The following RTEL1 variants were observed in gnomAD, a reference collection of about 807,000 sequenced individuals.
RTEL1 encodes the protein regulator of telomere length.
A neutral mutation model predicts 162.2 loss-of-function variants in RTEL1; 86 were observed. That is an observed-to-expected ratio of 0.53 (90% confidence interval 0.45 to 0.63). The LOEUF (loss-of-function observed/expected upper bound fraction) is 0.63, where lower values mean the gene tolerates loss of function less well. RTEL1 is among the 30% of genes least tolerant of loss of function. The pLI, the probability that RTEL1 is intolerant of heterozygous loss-of-function variation, is 0.00. For missense variants in RTEL1, 1,941 were observed against 1,750.2 expected, an observed-to-expected ratio of 1.11 and a Z score of -1.95; for synonymous variants, 958 against 717.9, an observed-to-expected ratio of 1.33 and a Z score of -5.35.
chr20:63,693,316 CCTG>C, intron 30 of RTEL1, 33 bp downstream of exon 30: 1 of 1,609,534 alleles, frequency 6.2e-7, no homozygotes, highest in Non-Finnish European at 8.5e-7. Context: ...CCCTCAGACT[CCTG>C]CGTGGAAGGC....
intron 26 of RTEL1, 52 bp downstream of exon 26, chr20:63,690,493 C>CGGGGGGGGGG: frequency 1.9e-6 from 1 of 531,874 alleles, no homozygotes; most frequent in Non-Finnish European, 3.2e-6. Flanking sequence ...GAGCGGGCGG[C>CGGGGGGGGGG]GTGGGGCGGG....
At chr20:63,659,607 C>G (rs920618786) in intron 2 of RTEL1, 103 bp downstream of exon 2, 46 of 842,984 alleles carry the variant, frequency 5.5e-5, no homozygotes, top group Non-Finnish European at 8.8e-5. Context: ...CCCCTCCGGG[C>G]CAGAGGCAGC....
intron 14 of RTEL1, chr20:63,681,651 C>G (rs551505928): frequency 2.0e-6 from 2 of 985,372 alleles, no homozygotes; most frequent in Admixed American, 1.2e-4. Context: ...GCAGGCACTG[C>G]CTTCTCCTTC....
chr20:63,679,506 C>T (rs1222452305), intron 12 of RTEL1, among the ~76,000 whole-genome samples: 1 of 152,138 alleles, frequency 6.6e-6, no homozygotes, highest in Non-Finnish European at 1.5e-5. Context: ...GCGGCCCCTG[C>T]TCTGAGGCGG....
At chr20:63,676,807 T>C (rs6011024) in intron 10 of RTEL1, among the ~76,000 whole-genome samples, 16,121 of 151,684 alleles carry the variant, frequency 0.11, 1,171 homozygotes, top group African/African-American at 0.2. Context: ...TGGTGGTGCA[T>C]GCTTGTAATC....
At chr20:63,665,918 G>A (rs965000459) in intron 6 of RTEL1, 86 bp from the exon 7 acceptor site, 2 of 1,270,180 alleles carry the variant, frequency 1.6e-6, no homozygotes, top group Non-Finnish European at 2.2e-6. Context: ...CGCCGTGTAG[G>A]AGCCGTTCTG....
chr20:63,689,223 T>TGCCCGGTCCCCTCCTTGGGTCC, intron 22 of RTEL1, 91 bp downstream of exon 22: 2 of 1,275,554 alleles, frequency 1.6e-6, no homozygotes, highest in Non-Finnish European at 2.2e-6. Flanking sequence ...CCCTGGGGGC[T>TGCCCGGTCCCCTCCTTGGGTCC]GCCCGGTCCC....
At position 63,678,039 on chromosome 20, in the gene RTEL1, T is replaced by C. The variant is rs114703330; in HGVS notation, c.920-106T>C. 0.087 allele frequency: 113,563 copies of C among 1,303,070 alleles called. 6,625 individuals are homozygous for C. Among genetic ancestry groups the C allele is most frequent in the South Asian group, 0.23 (19,049 of 81,474 alleles). 80.7% of individuals were successfully genotyped at this position (1,303,070 alleles called of 1,614,324 possible). A position where few individuals can be genotyped will look rare whatever the true frequency, so the allele number is the denominator to read the frequency against. Reference sequence around the variant, plus strand: ...ATGGATTCTGTGTGGCCTCTTCCTTTCCATGTTGGTGTCCTTTTTTCCATG... The same window carrying C: ...ATGGATTCTGTGTGGCCTCTTCCTTCCCATGTTGGTGTCCTTTTTTCCATG... On this transcript the variant is annotated intron_variant, in intron 10 of 34. Coordinates refer to ENST00000360203, the MANE Select transcript of RTEL1 (RefSeq NM_001283009.2).
chr20:63,689,450 C>A, intron 22 of RTEL1, 52 bp from the exon 23 acceptor site: 1 of 1,474,910 alleles, frequency 6.8e-7, no homozygotes, highest in Non-Finnish European at 9.0e-7. Flanking sequence ...GGTGTGGGCA[C>A]CAGGGAGAGG....
chr20:63,693,350 G>A (rs964230548), intron 30 of RTEL1, 67 bp downstream of exon 30: 73 of 1,587,480 alleles, frequency 4.6e-5, no homozygotes, highest in Non-Finnish European at 1.5e-5. Context: ...AGAGTCCTGG[G>A]CTGCTTGGGG....
chr20:63,674,076 C>T lies in RTEL1; in HGVS notation c.902C>T (p.Ala301Val), dbSNP rs373849709. Reference sequence around the variant, plus strand: ...GGTGAGCCCCACCCGGAGTTCAGCGCGGACTCCCCCAGCCCAGGTGCGTTC... The same window carrying T: ...GGTGAGCCCCACCCGGAGTTCAGCGTGGACTCCCCCAGCCCAGGTGCGTTC... ...QQGEPHPEFSADSPSPGLNME... is the reference protein window; with the variant it reads ...QQGEPHPEFSVDSPSPGLNME... The change falls in exon 10 of 35, where the codon GCG (alanine) becomes GTG (valine). Residue 301 changes from alanine (A) to valine (V), a missense_variant. Ala to Val is a moderately conservative substitution (Grantham distance 64). Transcript: ENST00000360203. 97 of 1,611,474 alleles carry T rather than the reference C, an allele frequency of 6.0e-5. No individual in the cohort carries two copies. Among genetic ancestry groups the T allele is most frequent in the Middle Eastern group, 1.7e-4 (1 of 5,906 alleles).
intron 9 of RTEL1, among the ~76,000 whole-genome samples, chr20:63,673,341 C>T (rs1490966048): frequency 6.6e-6 from 1 of 152,062 alleles, no homozygotes; most frequent in Non-Finnish European, 1.5e-5. Context: ...TTGCAATGAG[C>T]CAAGATCACA....
Position 63,695,437 on chromosome 20 carries a change from C to T in RTEL1, c.3609C>T (p.Ser1203=), listed in dbSNP as rs2090954645. Residue 1203 remains serine (S), a synonymous_variant, in exon 34 of 35, where the codon AGC becomes AGT. Transcript: ENST00000360203. The stretch of plus-strand genomic sequence containing the variant: ...CGGGCGGTGAGGATGCAGGTCCCAG[C>T]CAGTCCTCAGGACCTCCCCACGGGC... ...VGAGGEDAGP[S]QSSGPPHGPA... The T allele has an allele frequency of 1.3e-6, 2 of 1,574,504 alleles. No homozygotes were observed. The highest frequency in any genetic ancestry group is 1.3e-5 in the African/African-American group (1 of 74,420).
Position 63,668,683 on chromosome 20 carries a change from G to A in RTEL1, c.699+1130G>A, listed in dbSNP as rs1472202099. 6.6e-6 allele frequency among the ~76,000 whole-genome samples: 1 copy of A among 152,136 alleles called. No individual in the cohort carries two copies. Among genetic ancestry groups the A allele is most frequent in the Non-Finnish European group, 1.5e-5 (1 of 68,016 alleles). On this transcript the variant is annotated intron_variant, in intron 8 of 34. Transcript: ENST00000360203. This position sits in a 1 kb window ranked among gnomAD's most constrained non-coding sequence, Gnocchi z 4.3. Reference sequence around the variant, plus strand: ...CTGGTGAGGTTTGCCGTGGTTGTGGGTGACTCGGTGCTTTGAGCCCTGGCT... The same window carrying A: ...CTGGTGAGGTTTGCCGTGGTTGTGGATGACTCGGTGCTTTGAGCCCTGGCT...
At chr20:63,676,585 C>A (rs79981941) in intron 10 of RTEL1, among the ~76,000 whole-genome samples, 15,686 of 152,206 alleles carry the variant, frequency 0.1, 976 homozygotes, top group South Asian at 0.25. Context: ...CTTAGGACCA[C>A]GCCCTGCACC....
Position 63,679,868 on chromosome 20 carries a change from G to T in RTEL1, c.1057G>T (p.Ala353Ser). Residue 353 changes from alanine to serine, a missense_variant, in exon 13 of 35, where the codon GCT becomes TCT. Physicochemically the swap from Ala to Ser is moderately conservative, Grantham distance 99. Coordinates refer to ENST00000360203, the MANE Select transcript of RTEL1 (RefSeq NM_001283009.2). The stretch of plus-strand genomic sequence containing the variant: ...CGGCAGCTACATCTTTGAGCTGTTT[G>T]CTGAAGCCCAGATCACGTTTCAGAC... ...KPGSYIFELF[A>S]EAQITFQTKG... 6.2e-7 allele frequency: 1 copy of T among 1,611,206 alleles called. No individual in the cohort carries two copies.
intron 14 of RTEL1, 137 bp from the exon 15 acceptor site, chr20:63,685,386 C>A: frequency 1.2e-6 from 1 of 863,950 alleles, no homozygotes; most frequent in Non-Finnish European, 1.8e-6. Context: ...GTCCATTGGC[C>A]TGGGGCTGCA....
Position 63,687,774 on chromosome 20 carries a change from C to T in RTEL1, c.1481+4C>T, listed in dbSNP as rs750784510. On this transcript the variant is annotated splice_donor_region_variant and intron_variant, in intron 17 of 34. Coordinates refer to ENST00000360203, the MANE Select transcript of RTEL1 (RefSeq NM_001283009.2). ...CCTTTGCTCTGGAGATGCAGATGTA[C>T]GGGCCACCCCTGCCAGGGCCTGAGC... 1.5e-5 allele frequency: 24 copies of T among 1,566,168 alleles called. No individual in the cohort carries two copies. Among genetic ancestry groups the T allele is most frequent in the South Asian group, 1.4e-4 (12 of 85,948 alleles).
intron 23 of RTEL1, 49 bp from the exon 24 acceptor site, chr20:63,689,701 C>G (rs376353873): frequency 1.2e-6 from 2 of 1,603,180 alleles, no homozygotes; most frequent in African/African-American, 2.7e-5. Context: ...ACTGAGCCCC[C>G]GCCCCGTGGC....
Sources: allele counts gnomAD v4.1 joint callset (sites outside exome capture counted in the v4.1 genomes callset), GRCh38; gene constraint gnomAD v4.1.1; non-coding constraint Gnocchi (gnomAD v3.1); transcripts MANE v1.5; gene names NCBI Gene and HGNC (gene_info 2026-07-23, HGNC 2026-07-21).